CBFA2T2: variants seen among roughly 807,000 people sequenced by gnomAD.
CBFA2T2 encodes CBFA2/RUNX1 partner transcriptional co-repressor 2, also known as protein CBFA2T2.
Under a neutral mutation model 62.2 loss-of-function variants are expected in CBFA2T2, and 11 were observed. The observed-to-expected ratio is 0.18, with a 90% confidence interval of 0.11 to 0.29. CBFA2T2 has a LOEUF of 0.29. Among genes scored for constraint, CBFA2T2 ranks in the 10% least tolerant of loss-of-function variants. The probability of loss-of-function intolerance (pLI) is 1.00; values close to 1 mark genes in which losing one functional copy is unlikely to be tolerated. For missense variants in CBFA2T2, 592 were observed against 774.1 expected (o/e 0.76, Z 2.79); for synonymous variants, 295 against 287.5 (o/e 1.03, Z -0.27).
chr20:33,633,580 A>C (rs1220059926), intron 8 of CBFA2T2, among the ~76,000 whole-genome samples: 1 of 152,202 alleles, frequency 6.6e-6, no homozygotes, highest in African/African-American at 2.4e-5. Flanking sequence ...TTTCACAAAT[A>C]GATTTTGTTC....
In CBFA2T2 at chr20:33,573,856, C is replaced by T. The variant is rs140404233; in HGVS notation, c.35-33100C>T. On this transcript the variant is annotated intron_variant, in intron 1 of 10. Coordinates refer to ENST00000342704, the MANE Select transcript of CBFA2T2 (RefSeq NM_001032999.3). ...AGTGCAGTGGTGCCATCATGGCTCACTGCAGCCTTGACTTCATGGGCTCAG... is the reference window on the plus strand; with the variant it reads ...AGTGCAGTGGTGCCATCATGGCTCATTGCAGCCTTGACTTCATGGGCTCAG... 3.9e-3 allele frequency: 925 copies of T among 237,308 alleles called. 8 individuals are homozygous for T. The highest frequency in any genetic ancestry group is 0.038 in the Middle Eastern group (23 of 606). The allele number at this position is 237,308 out of a possible 1,614,324, so 14.7% of individuals were successfully genotyped here. A position where few individuals can be genotyped will look rare whatever the true frequency, so the allele number is the denominator to read the frequency against.
intron 1 of CBFA2T2, among the ~76,000 whole-genome samples, chr20:33,503,094 A>G (rs1971669134): frequency 6.9e-6 from 1 of 144,934 alleles, no homozygotes; most frequent in East Asian, 2.0e-4. Flanking sequence ...CTGTCTCAAA[A>G]AAAAAAAAAA....
intron 1 of CBFA2T2, among the ~76,000 whole-genome samples, chr20:33,600,182 G>GTTGTT (rs1568844383): frequency 8.1e-5 from 5 of 62,066 alleles, no homozygotes; most frequent in Non-Finnish European, 9.2e-5. Flanking sequence ...CTTTTGGAAA[G>GTTGTT]TTTTTTTTTT....
chr20:33,635,050 G>A (rs1008713027), intron 8 of CBFA2T2, among the ~76,000 whole-genome samples: 1 of 152,148 alleles, frequency 6.6e-6, no homozygotes, highest in Non-Finnish European at 1.5e-5. Context: ...CAAGTAGAGA[G>A]GATAGAATAG....
At chr20:33,537,841 A>G (rs950106864) in intron 1 of CBFA2T2, among the ~76,000 whole-genome samples, 4 of 152,004 alleles carry the variant, frequency 2.6e-5, no homozygotes, top group African/African-American at 9.7e-5. Flanking sequence ...TGTTCCATTG[A>G]TATGTTTACC....
In CBFA2T2 at chr20:33,554,272, T is replaced by TC. The variant is rs2012824304; in HGVS notation, c.35-52683dup. On this transcript the variant is annotated intron_variant, in intron 1 of 10. Coordinates refer to ENST00000342704, the MANE Select transcript of CBFA2T2 (RefSeq NM_001032999.3). ...ACTTTTTTCTTTTTTTTTTTTTTTT[T>TC]CAGACAGTGTTGCTCTGTCACCCAA... Among the ~76,000 whole-genome samples, 4 of 150,606 alleles carry TC rather than the reference T, an allele frequency of 2.7e-5. No homozygotes were observed. In the South Asian group the frequency reaches 6.3e-4, roughly 24 times the overall value.
intron 1 of CBFA2T2, among the ~76,000 whole-genome samples, chr20:33,493,649 T>G (rs2011165949): frequency 6.6e-6 from 1 of 151,966 alleles, no homozygotes; most frequent in South Asian, 2.1e-4. Context: ...TACAGGCATG[T>G]ATTGCCATGC....
intron 8 of CBFA2T2, among the ~76,000 whole-genome samples, chr20:33,630,633 C>G (rs971007879): frequency 6.6e-6 from 1 of 152,182 alleles, no homozygotes; most frequent in African/African-American, 2.4e-5. Flanking sequence ...TTATTCCCCT[C>G]AAAATGTTCC....
At chr20:33,541,005 G>A (rs1296872259) in intron 1 of CBFA2T2, among the ~76,000 whole-genome samples, 1 of 152,180 alleles carries the variant, frequency 6.6e-6, no homozygotes, top group Non-Finnish European at 1.5e-5. Flanking sequence ...AAAGTAATTT[G>A]AACATTCCTT....
At chr20:33,604,212 A>G (rs751827041) in intron 1 of CBFA2T2, among the ~76,000 whole-genome samples, 2 of 152,344 alleles carry the variant, frequency 1.3e-5, no homozygotes, top group Middle Eastern at 6.8e-3. Flanking sequence ...TACCTAGTTA[A>G]TAGTATGTCC....
At chr20:33,641,701 G>T (rs2016845789) in intron 10 of CBFA2T2, among the ~76,000 whole-genome samples, 1 of 152,176 alleles carries the variant, frequency 6.6e-6, no homozygotes, top group Non-Finnish European at 1.5e-5. Context: ...TCCCACCTCA[G>T]CCTCCCAAGT....
chr20:33,639,594 A>C (rs2016755662), intron 9 of CBFA2T2: 1 of 150,754 alleles, frequency 6.6e-6, no homozygotes, highest in Non-Finnish European at 1.5e-5. Context: ...AAAGAAAATA[A>C]GTTCAAGCCG....
chr20:33,570,779 C>T (rs1021163857), intron 1 of CBFA2T2, among the ~76,000 whole-genome samples: 1 of 152,122 alleles, frequency 6.6e-6, no homozygotes, highest in Non-Finnish European at 1.5e-5. Context: ...ATGTGAGACT[C>T]ATTTTCTTTT....
At chr20:33,557,171 C>T (rs1216126866) in intron 1 of CBFA2T2, among the ~76,000 whole-genome samples, 3 of 151,810 alleles carry the variant, frequency 2.0e-5, no homozygotes, top group African/African-American at 2.4e-5. Flanking sequence ...CCTACCACCA[C>T]GCCTGGCTAA....
chr20:33,560,222 G>A (rs2146891662), intron 1 of CBFA2T2, among the ~76,000 whole-genome samples: 1 of 152,284 alleles, frequency 6.6e-6, no homozygotes, highest in South Asian at 2.1e-4. Flanking sequence ...CCATGTGGAA[G>A]GCTCTTAGGA....
chr20:33,503,111 AAAAAG>A (rs1242099383), intron 1 of CBFA2T2, among the ~76,000 whole-genome samples: 17 of 151,160 alleles, frequency 1.1e-4, no homozygotes, highest in African/African-American at 4.1e-4. Context: ...AAAAAAAAAA[AAAAAG>A]ATTTGGATGC....
At chr20:33,562,359 C>G in intron 1 of CBFA2T2, 1 of 985,038 alleles carries the variant, frequency 1.0e-6, no homozygotes, top group South Asian at 4.7e-5. Context: ...AGAGAGGAAG[C>G]AGGAGGGAGG....
chr20:33,616,287 A>G (rs1435359172), intron 3 of CBFA2T2, among the ~76,000 whole-genome samples: 1 of 152,160 alleles, frequency 6.6e-6, no homozygotes, highest in Non-Finnish European at 1.5e-5. Flanking sequence ...ACTTTGCCTG[A>G]TATGGTTGTC....
chr20:33,576,348 A>G (rs1379412438), intron 1 of CBFA2T2, among the ~76,000 whole-genome samples: 3 of 152,170 alleles, frequency 2.0e-5, no homozygotes, highest in African/African-American at 7.2e-5. Context: ...CTGATGGCAG[A>G]CATGGATACT....
Sources: allele counts gnomAD v4.1 joint callset (sites outside exome capture counted in the v4.1 genomes callset), GRCh38; gene constraint gnomAD v4.1.1; transcripts MANE v1.5; gene names NCBI Gene and HGNC (gene_info 2026-07-23, HGNC 2026-07-21).